Variants in ANAPC1 observed in about 807,000 individuals in gnomAD.
ANAPC1 encodes the protein anaphase promoting complex subunit 1, also known as anaphase-promoting complex subunit 1.
ANAPC1 carries 36 observed loss-of-function variants against 208.0 expected under a neutral mutation model. The observed-to-expected ratio is 0.17, with a 90% CI of 0.13 to 0.23. The LOEUF is 0.23. Ranked by LOEUF, ANAPC1 falls within the 10% of genes least tolerant of loss-of-function variation. ANAPC1 has a pLI of 1.00. For synonymous variants in ANAPC1, 378 were observed against 695.2 expected, an observed-to-expected ratio of 0.54 and a Z score of 7.18; for missense variants, 942 against 2,011.6, an observed-to-expected ratio of 0.47 and a Z score of 10.17.
intron 27 of ANAPC1, among the ~76,000 whole-genome samples, 175 bp from the exon 28 acceptor site, chr2:111,815,816 A>C: frequency 9.5e-6 from 1 of 105,756 alleles, no homozygotes; most frequent in East Asian, 3.0e-4. Flanking sequence ...CATGTGAGTC[A>C]AACTTAATGG....
intron 21 of ANAPC1, among the ~76,000 whole-genome samples, chr2:111,830,122 G>A (rs1408786089): frequency 6.6e-6 from 1 of 152,108 alleles, no homozygotes; most frequent in Non-Finnish European, 1.5e-5. Flanking sequence ...GAGTAATGAA[G>A]GGAGGAGTAA....
intron 8 of ANAPC1, 131 bp from the exon 9 acceptor site, chr2:111,864,026 C>T: frequency 2.6e-6 from 3 of 1,164,108 alleles, no homozygotes; most frequent in Admixed American, 2.9e-5. Context: ...CTAAGAAGCT[C>T]AATCTATTTC....
intron 16 of ANAPC1, among the ~76,000 whole-genome samples, chr2:111,843,868 A>G (rs369009076): frequency 2.6e-4 from 30 of 114,438 alleles, no homozygotes; most frequent in African/African-American, 9.0e-4. Context: ...TCTGTTGCCC[A>G]GGCTGGAGTG....
chr2:111,801,512 G>A (rs1047542135), intron 33 of ANAPC1, among the ~76,000 whole-genome samples: 2 of 127,294 alleles, frequency 1.6e-5, no homozygotes, highest in African/African-American at 6.1e-5. Context: ...GTAGAGTATG[G>A]GTCATTTACC....
At chr2:111,820,976 G>C (rs1378945519) in intron 26 of ANAPC1, among the ~76,000 whole-genome samples, 2 of 149,844 alleles carry the variant, frequency 1.3e-5, no homozygotes. Context: ...TTTCTAAAGA[G>C]TAAAGTGTTA....
chr2:111,843,622 T>G (rs1445741957), intron 16 of ANAPC1, 23 bp from the exon 17 acceptor site: 4 of 1,581,640 alleles, frequency 2.5e-6, no homozygotes, highest in Non-Finnish European at 3.4e-6. Context: ...AAGATTAATT[T>G]TAGTATTCTT....
chr2:111,835,567 A>G (rs1055880401), intron 18 of ANAPC1, among the ~76,000 whole-genome samples: 1 of 152,130 alleles, frequency 6.6e-6, no homozygotes, highest in Admixed American at 6.5e-5. Flanking sequence ...GGCCGGGTGC[A>G]GTGGCTCATG....
chr2:111,847,124 C>T lies in ANAPC1; in HGVS notation c.1852+14G>A, dbSNP rs571066766. On this transcript the variant is annotated intron_variant, in intron 16 of 47. Transcript: ENST00000341068. ...ATTACTTCATGTCTTATAAATGAAA[C>T]TTCTCAATCGTACCTAACTCAGAGG... The T allele has an allele frequency of 5.0e-6, 8 of 1,590,018 alleles. No homozygotes were observed. In the East Asian group the frequency reaches 1.8e-4, roughly 36 times the overall value.
intron 17 of ANAPC1, among the ~76,000 whole-genome samples, chr2:111,839,193 AG>A (rs1484487748): frequency 4.6e-5 from 7 of 152,230 alleles, no homozygotes; most frequent in African/African-American, 1.7e-4. Flanking sequence ...TTTGAACCAA[AG>A]ATAAAAGATC....
At chr2:111,829,344 G>C (rs1021114982) in intron 21 of ANAPC1, among the ~76,000 whole-genome samples, 16 of 152,314 alleles carry the variant, frequency 1.1e-4, no homozygotes, top group African/African-American at 3.6e-4. Context: ...GGGGGGGACT[G>C]TGAAGCACTT....
At chr2:111,866,624 T>G (rs1682430275) in intron 7 of ANAPC1, among the ~76,000 whole-genome samples, 1 of 149,198 alleles carries the variant, frequency 6.7e-6, no homozygotes, top group Non-Finnish European at 1.5e-5. Flanking sequence ...CTAGGGAGGC[T>G]GAGACAGGAG....
rs1285956976 is a variant in ANAPC1, at chr2:111,831,388, T to C, written c.2523A>G (p.Pro841=). The change falls in exon 21 of 48, where the codon CCA becomes CCG. Residue 841 remains proline (P), a synonymous_variant. Coordinates refer to ENST00000341068, the MANE Select transcript of ANAPC1 (RefSeq NM_022662.4). ...AACTCACCCACTGATAAATACTTGG[T>C]GGCTCAGACGTAAAAAATGATGGAT... ...MHHPSFFTSE[P]PSIYQWVSSC... The C allele has an allele frequency of 1.2e-6, 2 of 1,611,742 alleles. No individual in the cohort carries two copies. Among genetic ancestry groups the C allele is most frequent in the African/African-American group, 1.3e-5 (1 of 74,832 alleles).
chr2:111,775,674 T>C (rs2104471208), intron 46 of ANAPC1, among the ~76,000 whole-genome samples: 1 of 152,244 alleles, frequency 6.6e-6, no homozygotes, highest in Admixed American at 6.5e-5. Flanking sequence ...TAGAGAATGT[T>C]CTAATCACTG....
intron 1 of ANAPC1, among the ~76,000 whole-genome samples, chr2:111,882,218 G>C (rs1214708203): frequency 6.6e-6 from 1 of 151,210 alleles, no homozygotes; most frequent in Non-Finnish European, 1.5e-5. Context: ...AAAACCTCTA[G>C]ACCTTAACTC....
At chr2:111,837,352 T>C (rs1680523065) in intron 18 of ANAPC1, among the ~76,000 whole-genome samples, 1 of 152,236 alleles carries the variant, frequency 6.6e-6, no homozygotes, top group African/African-American at 2.4e-5. Flanking sequence ...CCGGGCCCAG[T>C]GGCTCATGCC....
At chr2:111,851,689 T>C (rs1681407339) in intron 13 of ANAPC1, among the ~76,000 whole-genome samples, 1 of 151,686 alleles carries the variant, frequency 6.6e-6, no homozygotes, top group African/African-American at 2.4e-5. Flanking sequence ...CGGGCGCCTG[T>C]AGTCCCAGCT....
intron 42 of ANAPC1, among the ~76,000 whole-genome samples, chr2:111,782,746 T>C (rs950614238): frequency 1.4e-4 from 22 of 152,250 alleles, no homozygotes; most frequent in African/African-American, 2.4e-4. Flanking sequence ...ACTTTGACTA[T>C]TGGCTCAATT....
chr2:111,835,148 T>C (rs1481342035), intron 18 of ANAPC1, among the ~76,000 whole-genome samples: 7 of 152,126 alleles, frequency 4.6e-5, no homozygotes, highest in Admixed American at 2.6e-4. Context: ...ACTATTTAGG[T>C]AGAGATTGAG....
chr2:111,846,445 C>A lies in ANAPC1; in HGVS notation c.1852+693G>T, dbSNP rs1264745837. ...CATTAATACATTACAGAAAAAAAAA[C>A]ATTAAATATGCCAAGAATTATCTTA... is the stretch of plus-strand genomic sequence containing the variant. On this transcript the variant is annotated intron_variant, in intron 16 of 47. Coordinates refer to ENST00000341068, the MANE Select transcript of ANAPC1 (RefSeq NM_022662.4). Among the ~76,000 whole-genome samples the A allele has an allele frequency of 2.9e-5, 4 of 136,770 alleles. No homozygotes were observed. In the East Asian group the frequency reaches 6.4e-4, roughly 22 times the overall value. 89.7% of individuals were successfully genotyped at this position (136,770 alleles called of 152,430 possible).
Sources: gnomAD v4.1 joint callset for allele counts (sites outside exome capture counted in the v4.1 genomes callset) on GRCh38, gnomAD v4.1.1 for gene constraint, MANE v1.5 for transcripts, NCBI Gene and HGNC (gene_info 2026-07-23, HGNC 2026-07-21) for gene names.